Variants in WDR87 observed in about 807,000 individuals in gnomAD.
WDR87 encodes WD repeat-containing protein 87.
In WDR87, 56 loss-of-function variants were observed where a neutral mutation model predicts 83.3. The observed-to-expected ratio is 0.67, with a 90% CI of 0.54 to 0.84. The LOEUF (loss-of-function observed/expected upper bound fraction) is 0.84, where lower values mean the gene tolerates loss of function less well. WDR87 is among the 40% of genes least tolerant of loss of function. WDR87 has a pLI of 0.00. For missense variants in WDR87, 2,939 were observed against 3,431.9 expected, an observed-to-expected ratio of 0.86 and a Z score of 3.59; for synonymous variants, 1,173 against 1,250.6, an observed-to-expected ratio of 0.94 and a Z score of 1.31.
In WDR87 at chr19:37,892,909, C is replaced by A. The variant is rs1047587870; in HGVS notation, c.2794G>T (p.Ala932Ser). ...IETMLNIMVH[A>S]SLLKYQCCVG... The stretch of plus-strand genomic sequence containing the variant: ...CAGCACTGGTACTTCAGCAAGGAAG[C>A]ATGGACCATAATATTGAGCATTGTC... The change falls in exon 4 of 6, where the codon GCT becomes TCT. Residue 932 changes from alanine (A) to serine (S), a missense_variant. Ala to Ser is a moderately conservative substitution (Grantham distance 99). This residue lies in a region of WDR87 where 2,160 missense variants were observed against 2,533.1 expected (regional missense o/e 0.85). Coordinates refer to ENST00000447313, the MANE Select transcript of WDR87 (RefSeq NM_001291088.2). The A allele has an allele frequency of 1.3e-6, 2 of 1,552,016 alleles. No homozygotes were observed. Among genetic ancestry groups the A allele is most frequent in the African/African-American group, 1.4e-5 (1 of 73,052 alleles).
chr19:37,887,146 C>A lies in WDR87; in HGVS notation c.6525G>T (p.Glu2175Asp), dbSNP rs1416597511. ...TTCTCTGCTTCCGAGCCAGTTTCTT[C>A]TCATCTTTAGTCAGTTCTGATCGTT... Reference protein sequence around the residue: ...SEKRSELTKDEKKLARKQRKL... With the variant: ...SEKRSELTKDDKKLARKQRKL... The change falls in exon 6 of 6, where the codon GAG becomes GAT. Residue 2175 changes from glutamate (E) to aspartate (D), a missense_variant. This residue lies in a region of WDR87 where 2,160 missense variants were observed against 2,533.1 expected (regional missense o/e 0.85). Transcript: ENST00000447313. 10 of 1,551,044 alleles carry A rather than the reference C, an allele frequency of 6.4e-6. No homozygotes were observed. The highest frequency in any genetic ancestry group is 8.7e-6 in the Non-Finnish European group (10 of 1,146,970).
chr19:37,892,557 T>A, intron 4 of WDR87, 21 bp downstream of exon 4: 1 of 1,465,994 alleles, frequency 6.8e-7, no homozygotes, highest in Non-Finnish European at 9.1e-7. Context: ...GGGTGAAGAA[T>A]TGAAGGAAGC....
chr19:37,887,229 G>A lies in WDR87; in HGVS notation c.6442C>T (p.Arg2148Cys), dbSNP rs78358130. The change falls in exon 6 of 6, where the codon CGC becomes TGC. Residue 2148 changes from arginine (R) to cysteine (C), a missense_variant. Arg to Cys is a radical substitution (Grantham distance 180). Transcript: ENST00000447313. ...TTACTCTGTTCTATACTCAACCTGC[G>A]CTCCTTAACAAAGAGTGCCCTCTTC... is the stretch of plus-strand genomic sequence containing the variant. Reference protein sequence around the residue: ...KMKRALFVKERRLSIEQSKLD... With the variant: ...KMKRALFVKECRLSIEQSKLD... 1.1e-5 allele frequency: 17 copies of A among 1,551,548 alleles called. No individual in the cohort carries two copies. Among genetic ancestry groups the A allele is most frequent in the South Asian group, 2.4e-5 (2 of 84,000 alleles).
In WDR87 at chr19:37,886,961, C is replaced by T; in HGVS notation, c.6710G>A (p.Arg2237Lys). 6.4e-7 allele frequency: 1 copy of T among 1,552,026 alleles called. No individual in the cohort carries two copies. The highest frequency in any genetic ancestry group is 8.7e-7 in the Non-Finnish European group (1 of 1,147,068). The change falls in exon 6 of 6, where the codon AGA becomes AAA. Residue 2237 changes from arginine (R) to lysine (K), a missense_variant. Coordinates refer to ENST00000447313, the MANE Select transcript of WDR87 (RefSeq NM_001291088.2). Reference protein sequence around the residue: ...EVIPFLKRRWRKRKEAKRGDK... With the variant: ...EVIPFLKRRWKKRKEAKRGDK... ...ACCTCTCTTGGCCTCTTTCCTCTTT[C>T]TCCACCTTCGTTTAAGGAATGGGAT...
rs1215660265 is a variant in WDR87, at chr19:37,895,248, A to C, written c.455T>G (p.Ile152Ser). ...TTCCGGGTCATAGCAGAGGCAGCTG[A>C]TGTTGAAGCGGCAGGGCACTTTACC... Reference protein sequence around the residue: ...PLGKVPCRFNISCLCYDPEMK... With the variant: ...PLGKVPCRFNSSCLCYDPEMK... The change falls in exon 4 of 6, where the codon ATC (isoleucine) becomes AGC (serine). Residue 152 changes from isoleucine to serine, a missense_variant. Around this residue, in one of 3 missense-constraint regions of WDR87, gnomAD observed 226 missense variants for 320.9 expected, o/e 0.70. Transcript: ENST00000447313. The C allele has an allele frequency of 3.2e-6, 5 of 1,551,716 alleles. No individual in the cohort carries two copies. Among genetic ancestry groups the C allele is most frequent in the Non-Finnish European group, 4.4e-6 (5 of 1,147,012 alleles).
intron 1 of WDR87, among the ~76,000 whole-genome samples, chr19:37,904,452 GA>G (rs2145447531): frequency 6.6e-6 from 1 of 150,982 alleles, no homozygotes; most frequent in Non-Finnish European, 1.5e-5. Flanking sequence ...TCTGCCTCCT[GA>G]GTTCAAGTGA....
Position 37,886,692 on chromosome 19 carries a change from TCTTCTCCTCCTCTTCTTTCTCCACTTG to T in WDR87, c.6952_6978del (p.Gln2318_Lys2326del). The stretch of plus-strand genomic sequence containing the variant: ...TTCTTCTTTTCCTTTTTCTTCTTCT[TCTTCTCCTCCTCTTCTTTCTCCACTTG>T]CTTCTCCTCCCCTTCCTCCTCCTCC... On this transcript the variant is annotated inframe_deletion, in exon 6 of 6. Transcript: ENST00000447313. 2 of 1,463,672 alleles carry T rather than the reference TCTTCTCCTCCTCTTCTTTCTCCACTTG, an allele frequency of 1.4e-6. No homozygotes were observed. Among genetic ancestry groups the T allele is most frequent in the Non-Finnish European group, 1.9e-6 (2 of 1,077,572 alleles). 90.7% of individuals were successfully genotyped at this position (1,463,672 alleles called of 1,614,324 possible).
At chr19:37,903,898 C>G (rs2046307018) in intron 1 of WDR87, among the ~76,000 whole-genome samples, 1 of 151,762 alleles carries the variant, frequency 6.6e-6, no homozygotes. Context: ...ATTAAACAAC[C>G]TTTTTTGTTT....
chr19:37,893,796 T>C lies in WDR87; in HGVS notation c.1907A>G (p.His636Arg). 2 of 1,551,678 alleles carry C rather than the reference T, an allele frequency of 1.3e-6. No individual in the cohort carries two copies. The highest frequency in any genetic ancestry group is 1.7e-6 in the Non-Finnish European group (2 of 1,146,998). The change falls in exon 4 of 6, where the codon CAT (histidine) becomes CGT (arginine). Residue 636 changes from histidine to arginine, a missense_variant. By Grantham distance (29) the His-to-Arg change is conservative. Transcript: ENST00000447313. The stretch of plus-strand genomic sequence containing the variant: ...GTCCAGAATGCCTATGAGTCTGCCA[T>C]GGAAGTCCCAGATCCGAACAGAGCC... ...ADGSVRIWDF[H>R]GRLIGILDSS... is the part of the protein sequence containing the mutation.
In WDR87 at chr19:37,884,856, A is replaced by C; in HGVS notation, c.*76T>G. The C allele has an allele frequency of 8.5e-7, 1 of 1,170,554 alleles. No homozygotes were observed. Among genetic ancestry groups the C allele is most frequent in the Non-Finnish European group, 1.1e-6 (1 of 915,790 alleles). The allele number at this position is 1,170,554 out of a possible 1,614,324, so 72.5% of individuals were successfully genotyped here. A position where few individuals can be genotyped will look rare whatever the true frequency, so the allele number is the denominator to read the frequency against. ...AAAAAAAAAAAAGAGAGAGAGAGAG[A>C]TGAAGGTCTAGATCCTGGTAATTAG... On this transcript the variant is annotated 3_prime_UTR_variant, in exon 6 of 6. Transcript: ENST00000447313.
Position 37,885,537 on chromosome 19 carries a change from T to C in WDR87, c.8134A>G (p.Ile2712Val). The C allele has an allele frequency of 6.4e-7, 1 of 1,551,656 alleles. No homozygotes were observed. The highest frequency in any genetic ancestry group is 8.7e-7 in the Non-Finnish European group (1 of 1,146,994). Residue 2712 changes from isoleucine to valine, a missense_variant, in exon 6 of 6, where the codon ATT becomes GTT. This residue lies in a region of WDR87 where 2,160 missense variants were observed against 2,533.1 expected (regional missense o/e 0.85). Transcript: ENST00000447313. ...ACAGAGGCATGGGCACTTGGAAAAA[T>C]GTCTCTGGTGGCAGGATAAAAGTAT... ...MQYFYPATRD[I>V]FPSAHASVEK...
rs1051857781 is a variant in WDR87, at chr19:37,887,238, C to A, written c.6433G>T (p.Val2145Phe). The change falls in exon 6 of 6, where the codon GTT (valine) becomes TTT (phenylalanine). Residue 2145 changes from valine (V) to phenylalanine (F), a missense_variant. Transcript: ENST00000447313. The part of the protein sequence containing the change: ...KMTKMKRALF[V>F]KERRLSIEQS... ...TCTATACTCAACCTGCGCTCCTTAA[C>A]AAAGAGTGCCCTCTTCATCTTTGTC... 2 of 1,551,734 alleles carry A rather than the reference C, an allele frequency of 1.3e-6. No individual in the cohort carries two copies. The highest frequency in any genetic ancestry group is 1.7e-6 in the Non-Finnish European group (2 of 1,147,010).
chr19:37,895,030 C>G lies in WDR87; in HGVS notation c.673G>C (p.Gly225Arg). 2 of 1,551,684 alleles carry G rather than the reference C, an allele frequency of 1.3e-6. No individual in the cohort carries two copies. The highest frequency in any genetic ancestry group is 1.7e-6 in the Non-Finnish European group (2 of 1,146,984). ...ETVVRVLMHQGKGQLGEVKRF... is the reference protein window; with the variant it reads ...ETVVRVLMHQRKGQLGEVKRF... ...TTTACCTCTCCCAGCTGGCCCTTGC[C>G]CTGGTGCATAAGGACCCTCACCACC... The change falls in exon 4 of 6, where the codon GGC becomes CGC. Residue 225 changes from glycine (G) to arginine (R), a missense_variant. By Grantham distance (125) the Gly-to-Arg change is moderately radical. This residue lies in a region of WDR87 where 226 missense variants were observed against 320.9 expected (regional missense o/e 0.70). Coordinates refer to ENST00000447313, the MANE Select transcript of WDR87 (RefSeq NM_001291088.2).
chr19:37,897,729 C>T (rs908971269), intron 2 of WDR87, among the ~76,000 whole-genome samples: 2 of 151,762 alleles, frequency 1.3e-5, no homozygotes, highest in Non-Finnish European at 2.9e-5. Flanking sequence ...ACTAAAAATA[C>T]AAAAAATTAG....
At chr19:37,896,533 CTG>C (rs2046257389) in intron 2 of WDR87, among the ~76,000 whole-genome samples, 1 of 152,200 alleles carries the variant, frequency 6.6e-6, no homozygotes, top group Non-Finnish European at 1.5e-5. Context: ...TGCAGAGTCT[CTG>C]TGTGCAAATT....
At chr19:37,902,318 GATT>G (rs2046298549) in intron 1 of WDR87, among the ~76,000 whole-genome samples, 1 of 151,938 alleles carries the variant, frequency 6.6e-6, no homozygotes, top group Non-Finnish European at 1.5e-5. Flanking sequence ...GAGTTCAAGT[GATT>G]CTCCTGCCTC....
chr19:37,896,006 G>T, intron 3 of WDR87, 132 bp downstream of exon 3: 1 of 1,221,570 alleles, frequency 8.2e-7, no homozygotes, highest in Non-Finnish European at 1.1e-6. Context: ...TTGGAGAAAG[G>T]ATGAGGAGAG....
Position 37,888,987 on chromosome 19 carries a change from G to A in WDR87, c.4684C>T (p.Gln1562Ter). The change falls in exon 6 of 6, where the codon CAA becomes TAA. Residue 1562 changes from glutamine (Q) to a stop codon, truncating the protein, a stop_gained. Transcript: ENST00000447313. LOFTEE classifies it low-confidence loss of function (END_TRUNC). ...GATGATAACATATTTTCCCAGACTT[G>A]TTTCCACTCCTCCCATTTCAGCTTC... ...DKKLKWEEWKQVWENMLSSKS... is the reference protein window; with the variant it reads ...DKKLKWEEWK 6.4e-7 allele frequency: 1 copy of A among 1,551,854 alleles called. No homozygotes were observed. Among genetic ancestry groups the A allele is most frequent in the African/African-American group, 1.4e-5 (1 of 73,068 alleles).
intron 1 of WDR87, among the ~76,000 whole-genome samples, chr19:37,899,708 C>A (rs7255551): frequency 0.82 from 124,748 of 151,800 alleles, 51,834 homozygotes; most frequent in African/African-American, 0.94. Flanking sequence ...TTGGCCTCCC[C>A]AAATGCTGGG....
Sources: allele counts gnomAD v4.1 joint callset (sites outside exome capture counted in the v4.1 genomes callset), GRCh38; gene constraint gnomAD v4.1.1; regional missense constraint gnomAD v4.1.1; transcripts MANE v1.5; gene names NCBI Gene and HGNC (gene_info 2026-07-23, HGNC 2026-07-21).